The following CFAP206 variants were observed in gnomAD, a reference collection of about 807,000 sequenced individuals.
CFAP206 encodes the protein cilia and flagella associated protein 206.
In CFAP206, 53 loss-of-function variants were observed where a neutral mutation model predicts 65.4. The ratio of observed to expected loss-of-function variants is 0.81; its 90% confidence interval spans 0.65 to 1.02. The LOEUF (loss-of-function observed/expected upper bound fraction) is 1.02, where lower values mean the gene tolerates loss of function less well. Among genes scored for constraint, CFAP206 ranks in the 50% least tolerant of loss-of-function variants. The pLI is 0.00. For synonymous variants in CFAP206, 250 were observed against 254.4 expected, an observed-to-expected ratio of 0.98 and a Z score of 0.17; for missense variants, 663 against 753.2, an observed-to-expected ratio of 0.88 and a Z score of 1.40.
At chr6:87,435,816 T>G (rs1199155430) in intron 11 of CFAP206, 3 of 152,208 alleles carry the variant, frequency 2.0e-5, no homozygotes, top group Non-Finnish European at 4.4e-5. Context: ...GGTGCCACCA[T>G]GCCTGGCTAA....
intron 8 of CFAP206, among the ~76,000 whole-genome samples, chr6:87,427,115 G>A (rs1299270732): frequency 6.6e-6 from 1 of 152,140 alleles, no homozygotes; most frequent in African/African-American, 2.4e-5. Flanking sequence ...GGTATAAAAT[G>A]TATGTGCAGT....
At position 87,410,262 on chromosome 6, in the gene CFAP206, G is replaced by C. The variant is rs77992007; in HGVS notation, c.108+315G>C. 7.2e-4 allele frequency among the ~76,000 whole-genome samples: 109 copies of C among 152,222 alleles called. 4 individuals are homozygous for C. In the East Asian group the frequency reaches 0.014, roughly 20 times the overall value. The stretch of plus-strand genomic sequence containing the variant: ...TCATTGCTGTGGTTTCTCTGTTCTT[G>C]CTTTTGGTTAACAATACACAATAAA... On this transcript the variant is annotated intron_variant, in intron 2 of 12. Transcript: ENST00000369562.
intron 3 of CFAP206, 152 bp downstream of exon 3, chr6:87,410,820 G>C: frequency 1.6e-6 from 1 of 638,708 alleles, no homozygotes; most frequent in East Asian, 2.8e-5. Context: ...ACAAAATCTG[G>C]AGAGACATAG....
At chr6:87,425,485 T>C (rs1051756077) in intron 7 of CFAP206, among the ~76,000 whole-genome samples, 1 of 152,200 alleles carries the variant, frequency 6.6e-6, no homozygotes, top group African/African-American at 2.4e-5. Flanking sequence ...AACATATAAA[T>C]ACTACTTCAT....
chr6:87,443,496 TTC>T (rs1483570796), intron 11 of CFAP206, among the ~76,000 whole-genome samples: 6 of 152,216 alleles, frequency 3.9e-5, no homozygotes, highest in Admixed American at 2.6e-4. Flanking sequence ...CTTCATTTTA[TTC>T]TGTTTTCTAA....
At chr6:87,441,938 TA>T in intron 11 of CFAP206, 2 of 279,196 alleles carry the variant, frequency 7.2e-6, no homozygotes, top group Non-Finnish European at 7.1e-6. Context: ...CTCTTGGAGA[TA>T]AACGTGCTAC....
chr6:87,462,700 A>G, intron 12 of CFAP206, among the ~76,000 whole-genome samples: 1 of 152,192 alleles, frequency 6.6e-6, no homozygotes, highest in Non-Finnish European at 1.5e-5. Flanking sequence ...CAGCATAGGT[A>G]TGGACTGGAA....
chr6:87,445,628 C>G (rs1200760935), intron 11 of CFAP206, among the ~76,000 whole-genome samples: 1 of 152,146 alleles, frequency 6.6e-6, no homozygotes, highest in African/African-American at 2.4e-5. Context: ...TAGATTGATT[C>G]CATGTCTTTG....
Position 87,418,234 on chromosome 6 carries a change from C to G in CFAP206, c.658C>G (p.Pro220Ala), listed in dbSNP as rs1767869095. The change falls in exon 7 of 13, where the codon CCA becomes GCA. Residue 220 changes from proline (P) to alanine (A), a missense_variant. Pro to Ala is a conservative substitution (Grantham distance 27). Transcript: ENST00000369562. Reference sequence around the variant, plus strand: ...GCCAGCTGTTCTCCATGTAGCAATCCCAGCCACCATGCAGCATATTGATTA... The same window carrying G: ...GCCAGCTGTTCTCCATGTAGCAATCGCAGCCACCATGCAGCATATTGATTA... The part of the protein sequence containing the change: ...DLPAVLHVAI[P>A]ATMQHIDYQL... 6.2e-7 allele frequency: 1 copy of G among 1,614,114 alleles called. No homozygotes were observed. The highest frequency in any genetic ancestry group is 8.5e-7 in the Non-Finnish European group (1 of 1,180,038).
At chr6:87,418,503 T>C (rs1767876853) in intron 7 of CFAP206, 87 bp downstream of exon 7, 2 of 1,159,440 alleles carry the variant, frequency 1.7e-6, no homozygotes, top group Non-Finnish European at 1.3e-6. Flanking sequence ...GGTCACTAAT[T>C]AAGGAGAAAA....
At chr6:87,429,336 T>C (rs950181511) in intron 9 of CFAP206, among the ~76,000 whole-genome samples, 3 of 152,198 alleles carry the variant, frequency 2.0e-5, no homozygotes, top group African/African-American at 7.2e-5. Flanking sequence ...CGTAGTGTTA[T>C]CGTTCATGTT....
intron 10 of CFAP206, among the ~76,000 whole-genome samples, chr6:87,433,697 A>G (rs1337942054): frequency 1.3e-5 from 2 of 152,348 alleles, no homozygotes; most frequent in East Asian, 3.8e-4. Flanking sequence ...TCATACTTTA[A>G]CATAAAAATA....
chr6:87,420,618 C>G (rs1582135444), intron 7 of CFAP206, among the ~76,000 whole-genome samples: 1 of 152,142 alleles, frequency 6.6e-6, no homozygotes, highest in Non-Finnish European at 1.5e-5. Flanking sequence ...GTAAATAAGG[C>G]GGCATAGTGC....
At chr6:87,457,021 G>T (rs1488015501) in intron 11 of CFAP206, among the ~76,000 whole-genome samples, 1 of 151,734 alleles carries the variant, frequency 6.6e-6, no homozygotes, top group African/African-American at 2.4e-5. Context: ...GTGGTGGCAG[G>T]TGCCTGTTGT....
intron 10 of CFAP206, among the ~76,000 whole-genome samples, chr6:87,433,214 C>A (rs189608925): frequency 2.6e-5 from 4 of 152,312 alleles, no homozygotes; most frequent in African/African-American, 9.6e-5. Flanking sequence ...ACACTTCTTC[C>A]TTTTACTATG....
intron 9 of CFAP206, 81 bp from the exon 10 acceptor site, chr6:87,430,952 T>C: frequency 7.6e-7 from 1 of 1,321,058 alleles, no homozygotes; most frequent in Non-Finnish European, 1.1e-6. Context: ...AGGTAATGTT[T>C]AGAATGAGCT....
At position 87,418,355 on chromosome 6, in the gene CFAP206, A is replaced by AT. The variant is rs1333045586; in HGVS notation, c.780dup (p.Met261TyrfsTer8). On this transcript the variant is annotated frameshift_variant, in exon 7 of 13. Coordinates refer to ENST00000369562, the MANE Select transcript of CFAP206 (RefSeq NM_001031743.3). LOFTEE classifies it high-confidence loss of function. Reference sequence around the variant, plus strand: ...CTCATGAGGGCTGAACTTCAGCCATATATGTTAAAAGAAGCGCTATATAAT... The same window carrying AT: ...CTCATGAGGGCTGAACTTCAGCCATATTATGTTAAAAGAAGCGCTATATAAT... 2 of 1,614,036 alleles carry AT rather than the reference A, an allele frequency of 1.2e-6. No individual in the cohort carries two copies. Among genetic ancestry groups the AT allele is most frequent in the African/African-American group, 2.7e-5 (2 of 74,904 alleles).
chr6:87,410,559 A>G, intron 2 of CFAP206, 26 bp from the exon 3 acceptor site: 1 of 1,539,786 alleles, frequency 6.5e-7, no homozygotes, highest in Non-Finnish European at 9.0e-7. Context: ...TTCCTAGTTA[A>G]TGGACTCGTT....
chr6:87,433,811 T>A (rs1032415773), intron 10 of CFAP206, among the ~76,000 whole-genome samples: 49 of 151,946 alleles, frequency 3.2e-4, no homozygotes, highest in Non-Finnish European at 6.8e-4. Context: ...AAAAATGGAG[T>A]GGAAGGGGCT....
Sources: gnomAD v4.1 joint callset for allele counts (sites outside exome capture counted in the v4.1 genomes callset) on GRCh38, gnomAD v4.1.1 for gene constraint, MANE v1.5 for transcripts, NCBI Gene and HGNC (gene_info 2026-07-23, HGNC 2026-07-21) for gene names.